Variants in WNT9A observed in about 807,000 individuals in gnomAD.
The protein encoded by WNT9A is protein Wnt-9a.
In WNT9A, 8 loss-of-function variants were observed where a neutral mutation model predicts 31.4. The observed-to-expected ratio is 0.26, with a 90% CI of 0.15 to 0.46. The LOEUF (loss-of-function observed/expected upper bound fraction) is 0.46. Among genes scored for constraint, WNT9A ranks in the 20% least tolerant of loss-of-function variants. The pLI, the probability that WNT9A is intolerant of heterozygous loss-of-function variation, is 0.99. For synonymous variants in WNT9A, 236 were observed against 220.1 expected (o/e 1.07, Z -0.64); for missense variants, 457 against 522.9 (o/e 0.87, Z 1.23).
At chr1:227,943,274 C>T (rs1666737431) in intron 1 of WNT9A, among the ~76,000 whole-genome samples, 1 of 152,218 alleles carries the variant, frequency 6.6e-6, no homozygotes, top group African/African-American at 2.4e-5. Context: ...AGTGGGGCTG[C>T]CAGGGTGTCG....
In WNT9A at chr1:227,925,158, G is replaced by A. The variant is rs1233279581; in HGVS notation, c.352+105C>T. ...CAGGAGCTCTGGGCAGGCTGGGCCCGGCGTCCCCAGGAGCGCAGCCTAAGA... is the reference window on the plus strand; with the variant it reads ...CAGGAGCTCTGGGCAGGCTGGGCCCAGCGTCCCCAGGAGCGCAGCCTAAGA... On this transcript the variant is annotated intron_variant, in intron 2 of 3. Coordinates refer to ENST00000272164, the MANE Select transcript of WNT9A (RefSeq NM_003395.4). The surrounding 1 kb of genome is among the most constrained non-coding windows in gnomAD (Gnocchi z 6.0). 55 of 1,410,832 alleles carry A rather than the reference G, an allele frequency of 3.9e-5. No individual in the cohort carries two copies. The highest frequency in any genetic ancestry group is 4.3e-5 in the Non-Finnish European group (47 of 1,083,040). 87.4% of individuals were successfully genotyped at this position (1,410,832 alleles called of 1,614,324 possible). A position where few individuals can be genotyped will look rare whatever the true frequency, so the allele number is the denominator to read the frequency against.
Position 227,947,857 on chromosome 1 carries a change from G to A in WNT9A, c.31C>T (p.Leu11=), listed in dbSNP as rs1666821709. ...AGCGTCAGCCCGAAGGCCGCGGCCA[G>A]CCAGCGCGCCAGCGGGGACCCATCC... MLDGSPLARW[L]AAAFGLTLLL... is the part of the protein sequence containing the mutation. The change falls in exon 1 of 4, where the codon CTG becomes TTG. Residue 11 remains leucine, a synonymous_variant. Transcript: ENST00000272164. 2.8e-6 allele frequency: 3 copies of A among 1,085,522 alleles called. No individual in the cohort carries two copies. The highest frequency in any genetic ancestry group is 3.4e-6 in the Non-Finnish European group (3 of 895,310). The allele number at this position is 1,085,522 out of a possible 1,614,324, so 67.2% of individuals were successfully genotyped here.
Position 227,946,099 on chromosome 1 carries a change from GGGCCAAGGGGGCCT to G in WNT9A, c.95+1680_95+1693del, listed in dbSNP as rs780469822. Among the ~76,000 whole-genome samples, 70 of 152,330 alleles carry G rather than the reference GGGCCAAGGGGGCCT, an allele frequency of 4.6e-4. No individual in the cohort carries two copies. In the Middle Eastern group the frequency reaches 0.01, roughly 22 times the overall value. On this transcript the variant is annotated intron_variant, in intron 1 of 3. Coordinates refer to ENST00000272164, the MANE Select transcript of WNT9A (RefSeq NM_003395.4). The stretch of plus-strand genomic sequence containing the variant: ...ATGGGTCCTTTGGAGCCAAGAAGCA[GGGCCAAGGGGGCCT>G]GGCCAGAGAAGCCACAACAGCACTT...
rs1475912531 is a variant in WNT9A at position 227,919,432 on chromosome 1, G to A, written c.*2086C>T. On this transcript the variant is annotated 3_prime_UTR_variant, in exon 4 of 4. Transcript: ENST00000272164. ...AGGTTCTTATGTACTATAACACAGG[G>A]ACGGCAGAGACCCACAGCAACATAA... 6 of 152,212 alleles carry A rather than the reference G, an allele frequency of 3.9e-5. No homozygotes were observed. Among genetic ancestry groups the A allele is most frequent in the Non-Finnish European group, 8.8e-5 (6 of 68,052 alleles). The allele number at this position is 152,212 out of a possible 1,614,324, so 9.4% of individuals were successfully genotyped here. A position where few individuals can be genotyped will look rare whatever the true frequency, so the allele number is the denominator to read the frequency against.
In WNT9A at chr1:227,925,264, T is replaced by G; in HGVS notation, c.351A>C (p.Arg117=). 1 of 1,552,502 alleles carries G rather than the reference T, an allele frequency of 6.4e-7. No homozygotes were observed. Among genetic ancestry groups the G allele is most frequent in the Non-Finnish European group, 8.7e-7 (1 of 1,147,494 alleles). Residue 117 remains arginine, a splice_region_variant and synonymous_variant, in exon 2 of 4, where the codon CGA becomes CGC. Transcript: ENST00000272164. This position sits in a 1 kb window ranked among gnomAD's most constrained non-coding sequence, Gnocchi z 6.0. ...EGRYRASLLK[R]GFKETAFLYA... is the part of the protein sequence containing the mutation. ...GAGGGCCAGGCCGGCCACACTCACC[T>G]CGCTTGAGCAGGCTGGCCCGGTAGC...
chr1:227,947,227 C>T (rs916070414), intron 1 of WNT9A, among the ~76,000 whole-genome samples: 2 of 151,984 alleles, frequency 1.3e-5, no homozygotes, highest in East Asian at 3.9e-4. Context: ...CGCGCTCCCG[C>T]GGGCCGGGGC....
At chr1:227,930,605 C>T (rs1374204928) in intron 1 of WNT9A, among the ~76,000 whole-genome samples, 1 of 152,220 alleles carries the variant, frequency 6.6e-6, no homozygotes, top group Non-Finnish European at 1.5e-5. Flanking sequence ...AGCCGCCATC[C>T]TGGTCTTGCT....
At chr1:227,929,706 T>C (rs1666476580) in intron 1 of WNT9A, among the ~76,000 whole-genome samples, 1 of 152,212 alleles carries the variant, frequency 6.6e-6, no homozygotes, top group Non-Finnish European at 1.5e-5. Context: ...CAGTGGTGCA[T>C]GCCTGTGGTC....
chr1:227,931,255 T>A (rs973648938), intron 1 of WNT9A, among the ~76,000 whole-genome samples: 1 of 152,164 alleles, frequency 6.6e-6, no homozygotes, highest in African/African-American at 2.4e-5. Context: ...ACGGGCTCCA[T>A]CCTCTTCTAT....
chr1:227,931,128 C>T (rs2485254), intron 1 of WNT9A, among the ~76,000 whole-genome samples: 55,280 of 151,894 alleles, frequency 0.36, 10,335 homozygotes, highest in Non-Finnish European at 0.41. Context: ...ACACTGCCAC[C>T]GAGGCTGGAG....
At position 227,925,731 on chromosome 1, in the gene WNT9A, T is replaced by C. The variant is rs560956780; in HGVS notation, c.96-212A>G. Reference sequence around the variant, plus strand: ...GGCCCCCACTCCAGCGAGCATGGTCTCAGTGACCACAGGGCTGTCTCTGCT... The same window carrying C: ...GGCCCCCACTCCAGCGAGCATGGTCCCAGTGACCACAGGGCTGTCTCTGCT... On this transcript the variant is annotated intron_variant, in intron 1 of 3. Coordinates refer to ENST00000272164, the MANE Select transcript of WNT9A (RefSeq NM_003395.4). This position sits in a 1 kb window ranked among gnomAD's most constrained non-coding sequence, Gnocchi z 6.0. 1.3e-4 allele frequency among the ~76,000 whole-genome samples: 20 copies of C among 152,154 alleles called. No homozygotes were observed. In the South Asian group the frequency reaches 3.9e-3, roughly 30 times the overall value.
At chr1:227,930,107 G>A (rs1666482134) in intron 1 of WNT9A, among the ~76,000 whole-genome samples, 1 of 152,228 alleles carries the variant, frequency 6.6e-6, no homozygotes, top group Non-Finnish European at 1.5e-5. Flanking sequence ...TTCCCAGTAT[G>A]CCATTCAACA....
rs1666461069 is a variant in WNT9A at position 227,928,750 on chromosome 1, CG to C, written c.96-3232del. ...CAGGTGGGGCTCTCTTTCTGCCACA[CG>C]ACAGAGCCACAGAAGGGCTGAAGAA... is the stretch of plus-strand genomic sequence containing the variant. On this transcript the variant is annotated intron_variant, in intron 1 of 3. Coordinates refer to ENST00000272164, the MANE Select transcript of WNT9A (RefSeq NM_003395.4). The surrounding 1 kb of genome is among the most constrained non-coding windows in gnomAD (Gnocchi z 4.5). Among the ~76,000 whole-genome samples the C allele has an allele frequency of 1.3e-5, 2 of 152,284 alleles. No homozygotes were observed. Among genetic ancestry groups the C allele is most frequent in the South Asian group, 4.1e-4 (2 of 4,824 alleles).
intron 1 of WNT9A, among the ~76,000 whole-genome samples, chr1:227,939,263 C>T (rs1000979610): frequency 2.5e-4 from 38 of 152,202 alleles, no homozygotes; most frequent in African/African-American, 9.2e-4. Flanking sequence ...GTGACCCGGT[C>T]GCCTCCTTGA....
Position 227,924,219 on chromosome 1 carries a change from G to T in WNT9A, c.534C>A (p.Phe178Leu). Residue 178 changes from phenylalanine to leucine, a missense_variant, in exon 3 of 4, where the codon TTC (phenylalanine) becomes TTA (leucine). Physicochemically the swap from Phe to Leu is conservative, Grantham distance 22. Coordinates refer to ENST00000272164, the MANE Select transcript of WNT9A (RefSeq NM_003395.4). ...ACCGTCTGCCCAGGAATTCCTTGACGAACTTGCTGCTGTACTTAAGGTTGT... is the reference window on the plus strand; with the variant it reads ...ACCGTCTGCCCAGGAATTCCTTGACTAACTTGCTGCTGTACTTAAGGTTGT... ...CGDNLKYSSK[F>L]VKEFLGRRSS... is the part of the protein sequence containing the mutation. 6.2e-7 allele frequency: 1 copy of T among 1,613,508 alleles called. No homozygotes were observed. Among genetic ancestry groups the T allele is most frequent in the Non-Finnish European group, 8.5e-7 (1 of 1,179,932 alleles).
intron 1 of WNT9A, among the ~76,000 whole-genome samples, chr1:227,944,127 T>G (rs920238660): frequency 6.6e-6 from 1 of 152,120 alleles, no homozygotes; most frequent in South Asian, 2.1e-4. Flanking sequence ...ACAGTGGAAG[T>G]GATCCAGATG....
intron 1 of WNT9A, among the ~76,000 whole-genome samples, chr1:227,927,540 AC>A: frequency 6.6e-6 from 1 of 152,058 alleles, no homozygotes; most frequent in Non-Finnish European, 1.5e-5. Context: ...ATGCACAGAC[AC>A]CTCCAAGCCC....
chr1:227,939,976 TG>T (rs966860278), intron 1 of WNT9A, among the ~76,000 whole-genome samples: 1 of 151,864 alleles, frequency 6.6e-6, no homozygotes, highest in Non-Finnish European at 1.5e-5. Context: ...ACCCAGGAGG[TG>T]GGGCACATGC....
rs1412565240 is a variant in WNT9A, at chr1:227,928,022, G to C, written c.96-2503C>G. ...GGAGGGGGAGAAGCCCCATCTACCAGAGCCACCCCTCCCTCCCTGTCAAGG... is the reference window on the plus strand; with the variant it reads ...GGAGGGGGAGAAGCCCCATCTACCACAGCCACCCCTCCCTCCCTGTCAAGG... On this transcript the variant is annotated intron_variant, in intron 1 of 3. Transcript: ENST00000272164. The surrounding 1 kb of genome is among the most constrained non-coding windows in gnomAD (Gnocchi z 4.5). 2.0e-5 allele frequency among the ~76,000 whole-genome samples: 3 copies of C among 152,052 alleles called. No individual in the cohort carries two copies. Among genetic ancestry groups the C allele is most frequent in the Admixed American group, 1.3e-4 (2 of 15,274 alleles).
Sources: gnomAD v4.1 joint callset for allele counts (sites outside exome capture counted in the v4.1 genomes callset) on GRCh38, gnomAD v4.1.1 for gene constraint, Gnocchi (gnomAD v3.1) non-coding constraint, MANE v1.5 for transcripts, NCBI Gene and HGNC (gene_info 2026-07-23, HGNC 2026-07-21) for gene names.